Variants in TRIT1 observed in about 807,000 individuals in gnomAD.
The protein encoded by TRIT1 is tRNA dimethylallyltransferase.
In TRIT1, 43 loss-of-function variants were observed where a neutral mutation model predicts 51.2. The ratio of observed to expected loss-of-function variants is 0.84; its 90% CI spans 0.66 to 1.08. TRIT1 has a LOEUF of 1.08. TRIT1 is among the 50% of genes least tolerant of loss of function. The pLI is 0.00. For missense variants in TRIT1, 528 were observed against 578.4 expected, an observed-to-expected ratio of 0.91 and a Z score of 0.89; for synonymous variants, 184 against 203.9, an observed-to-expected ratio of 0.90 and a Z score of 0.83.
intron 8 of TRIT1, 30 bp downstream of exon 8, chr1:39,847,190 C>A (rs1234295925): frequency 6.3e-7 from 1 of 1,590,282 alleles, no homozygotes; most frequent in Non-Finnish European, 8.6e-7. Context: ...GAAAACAGAC[C>A]CATAGGATAA....
chr1:39,865,236 G>A (rs1643470391), intron 1 of TRIT1, among the ~76,000 whole-genome samples: 1 of 152,134 alleles, frequency 6.6e-6, no homozygotes, highest in Non-Finnish European at 1.5e-5. Flanking sequence ...TTCTTTCCAG[G>A]TTTTTCTTCC....
At chr1:39,877,760 C>T (rs10789049) in intron 1 of TRIT1, among the ~76,000 whole-genome samples, 85,129 of 151,954 alleles carry the variant, frequency 0.56, 26,091 homozygotes, top group African/African-American at 0.83. Context: ...TCCTGAAATA[C>T]ATCAGACTCT....
chr1:39,848,180 CA>C, intron 5 of TRIT1, 83 bp from the exon 6 acceptor site: 2 of 927,292 alleles, frequency 2.2e-6, no homozygotes, highest in Non-Finnish European at 3.4e-6. Flanking sequence ...CAGGTGGTCA[CA>C]AAAAAAGAGA....
intron 1 of TRIT1, among the ~76,000 whole-genome samples, chr1:39,877,669 C>T (rs1169672923): frequency 6.6e-6 from 1 of 152,176 alleles, no homozygotes; most frequent in Non-Finnish European, 1.5e-5. Context: ...TTCATCCAGT[C>T]ACTGAAGGCC....
chr1:39,879,301 G>T (rs887895679), intron 1 of TRIT1, among the ~76,000 whole-genome samples: 4 of 151,832 alleles, frequency 2.6e-5, no homozygotes, highest in African/African-American at 9.7e-5. Context: ...CCTACTGATT[G>T]AACCCCACAG....
chr1:39,854,594 C>G (rs1249948168), intron 2 of TRIT1, among the ~76,000 whole-genome samples: 1 of 152,162 alleles, frequency 6.6e-6, no homozygotes, highest in Admixed American at 6.5e-5. Flanking sequence ...AAATAGACTT[C>G]AATTTCCAGG....
intron 1 of TRIT1, among the ~76,000 whole-genome samples, chr1:39,872,309 T>G (rs1243448282): frequency 2.6e-5 from 4 of 151,998 alleles, no homozygotes; most frequent in African/African-American, 9.7e-5. Flanking sequence ...AAACGTCTGA[T>G]ATAACCTCAG....
chr1:39,877,864 T>A (rs1182015003), intron 1 of TRIT1, among the ~76,000 whole-genome samples: 1 of 152,210 alleles, frequency 6.6e-6, no homozygotes, highest in Non-Finnish European at 1.5e-5. Flanking sequence ...AGTTTTTCCA[T>A]CCTGGAAAAC....
intron 1 of TRIT1, chr1:39,862,864 G>A: frequency 1.0e-6 from 1 of 985,336 alleles, no homozygotes; most frequent in African/African-American, 1.7e-5. Flanking sequence ...GAGCCAAAAG[G>A]ATCTGTGTTA....
At chr1:39,866,731 G>A (rs1477618414) in intron 1 of TRIT1, among the ~76,000 whole-genome samples, 2 of 152,090 alleles carry the variant, frequency 1.3e-5, no homozygotes, top group Admixed American at 1.3e-4. Context: ...CAACACCTTG[G>A]GAGGCCAAGA....
intron 5 of TRIT1, among the ~76,000 whole-genome samples, chr1:39,848,591 C>T (rs1044248129): frequency 1.3e-5 from 2 of 150,258 alleles, no homozygotes; most frequent in East Asian, 1.9e-4. Context: ...TTTGGGAGGC[C>T]GAGGTGGGTG....
rs954118122 is a variant in TRIT1 at position 39,839,182 on chromosome 1, T to C, written c.*2562A>G. 5.9e-5 allele frequency among the ~76,000 whole-genome samples: 9 copies of C among 152,296 alleles called. No homozygotes were observed. Among genetic ancestry groups the C allele is most frequent in the African/African-American group, 1.7e-4 (7 of 41,576 alleles). ...GGTGTGATGGACTGGAGGCTCTGGATACCTGGACTGGAGGGCTCTGCTTGC... is the reference window on the plus strand; with the variant it reads ...GGTGTGATGGACTGGAGGCTCTGGACACCTGGACTGGAGGGCTCTGCTTGC... On this transcript the variant is annotated 3_prime_UTR_variant, in exon 11 of 11. Coordinates refer to ENST00000316891, the MANE Select transcript of TRIT1 (RefSeq NM_017646.6).
chr1:39,845,515 C>T (rs1642173097), intron 8 of TRIT1, among the ~76,000 whole-genome samples: 1 of 152,224 alleles, frequency 6.6e-6, no homozygotes, highest in Admixed American at 6.5e-5. Flanking sequence ...TTGTGCCAAC[C>T]CCAAATAAGA....
intron 2 of TRIT1, 39 bp from the exon 3 acceptor site, chr1:39,854,107 C>A (rs1166550645): frequency 6.9e-7 from 1 of 1,445,514 alleles, no homozygotes; most frequent in East Asian, 2.3e-5. Flanking sequence ...CAAGAGAATC[C>A]TGACTCACTT....
At chr1:39,847,166 A>G (rs1642272922) in intron 8 of TRIT1, 54 bp downstream of exon 8, 2 of 1,437,970 alleles carry the variant, frequency 1.4e-6, no homozygotes, top group African/African-American at 2.8e-5. Flanking sequence ...AGCTGAGGAC[A>G]TCTATATTCT....
Position 39,857,410 on chromosome 1 carries a change from T to A in TRIT1, c.182A>T (p.Glu61Val). The A allele has an allele frequency of 6.2e-7, 1 of 1,613,670 alleles. No individual in the cohort carries two copies. Among genetic ancestry groups the A allele is most frequent in the Non-Finnish European group, 8.5e-7 (1 of 1,179,814 alleles). ...CTTGTTGGTGATGATGTCTAGGCCT[T>A]CATAGACCTAGGGGAAAGAAAATTA... The part of the protein sequence containing the change: ...IVSADSMQVY[E>V]GLDIITNKVS... Residue 61 changes from glutamate (E) to valine (V), a missense_variant, in exon 2 of 11, where the codon GAA (glutamate) becomes GTA (valine). By Grantham distance (121) the Glu-to-Val change is moderately radical. Coordinates refer to ENST00000316891, the MANE Select transcript of TRIT1 (RefSeq NM_017646.6).
chr1:39,879,982 G>A (rs905064000), intron 1 of TRIT1, among the ~76,000 whole-genome samples: 4 of 150,534 alleles, frequency 2.7e-5, no homozygotes, highest in East Asian at 2.0e-4. Context: ...CAAGACCATC[G>A]TGGCCAACAT....
At chr1:39,849,940 A>G (rs963599469) in intron 5 of TRIT1, among the ~76,000 whole-genome samples, 179 bp downstream of exon 5, 36 of 152,302 alleles carry the variant, frequency 2.4e-4, no homozygotes, top group African/African-American at 8.7e-4. Flanking sequence ...CCAAACAGAT[A>G]TCTAGGGGAA....
rs374515114 is a variant in TRIT1, at chr1:39,861,923, C to CGAA, written c.175-4507_175-4506insTTC. Among the ~76,000 whole-genome samples, 4 of 68,410 alleles carry CGAA rather than the reference C, an allele frequency of 5.8e-5. No homozygotes were observed. In the East Asian group the frequency reaches 1.2e-3, roughly 20 times the overall value. 44.9% of individuals were successfully genotyped at this position (68,410 alleles called of 152,430 possible). A position where few individuals can be genotyped will look rare whatever the true frequency, so the allele number is the denominator to read the frequency against. Reference sequence around the variant, plus strand: ...TGGGCAAGAGAGCAAGGCTCTGTCTCAAAAAAAAAAAAAAAAGAAAAAGAA... The same window carrying CGAA: ...TGGGCAAGAGAGCAAGGCTCTGTCTCGAAAAAAAAAAAAAAAAAAGAAAAAGAA... On this transcript the variant is annotated intron_variant, in intron 1 of 10. Coordinates refer to ENST00000316891, the MANE Select transcript of TRIT1 (RefSeq NM_017646.6).
Sources: gnomAD v4.1 joint callset for allele counts (sites outside exome capture counted in the v4.1 genomes callset) on GRCh38, gnomAD v4.1.1 for gene constraint, MANE v1.5 for transcripts, NCBI Gene and HGNC (gene_info 2026-07-23, HGNC 2026-07-21) for gene names.